QTMAN: variants seen among roughly 807,000 people sequenced by gnomAD.
The protein encoded by QTMAN is queuosine-tRNA mannosyltransferase.
chr2:144,134,127 C>T, the QTMAN span, among the ~76,000 whole-genome samples: 1 of 152,126 alleles, frequency 6.6e-6, no homozygotes, highest in Non-Finnish European at 1.5e-5. Flanking sequence ...CCTATCAATC[C>T]ACAAATTCTC....
At chr2:144,097,984 C>T in the QTMAN span, among the ~76,000 whole-genome samples, 2 of 152,218 alleles carry the variant, frequency 1.3e-5, no homozygotes, top group Admixed American at 1.3e-4. Flanking sequence ...TCTGTATACT[C>T]TGTCTCTCTG....
At chr2:144,328,997 G>A in the QTMAN span, among the ~76,000 whole-genome samples, 3 of 151,994 alleles carry the variant, frequency 2.0e-5, no homozygotes, top group South Asian at 2.1e-4. Flanking sequence ...AGAGGCTCAC[G>A]TTTATAATCC....
At chr2:144,249,790 G>C in the QTMAN span, among the ~76,000 whole-genome samples, 1 of 152,052 alleles carries the variant, frequency 6.6e-6, no homozygotes. Flanking sequence ...AAATGTCAGG[G>C]ATAATACCAA....
the QTMAN span, among the ~76,000 whole-genome samples, chr2:144,039,146 C>T: frequency 1.3e-5 from 2 of 152,124 alleles, no homozygotes; most frequent in Non-Finnish European, 2.9e-5. Flanking sequence ...AAAAATTCTT[C>T]CCTTAAATAA....
chr2:144,204,473 C>T, the QTMAN span, among the ~76,000 whole-genome samples: 12 of 152,228 alleles, frequency 7.9e-5, 1 homozygote, highest in South Asian at 2.3e-3. Context: ...GAATGATGAT[C>T]ATTAAAAAGT....
At chr2:144,102,390 G>A in the QTMAN span, among the ~76,000 whole-genome samples, 1 of 152,280 alleles carries the variant, frequency 6.6e-6, no homozygotes, top group Admixed American at 6.5e-5. Context: ...GGTATACTAG[G>A]CATTTTGTGT....
the QTMAN span, among the ~76,000 whole-genome samples, chr2:144,250,561 T>C: frequency 1.3e-5 from 2 of 152,188 alleles, no homozygotes; most frequent in Non-Finnish European, 1.5e-5. Flanking sequence ...AAAACTTTTA[T>C]GTAAATTTGT....
chr2:143,956,245 A>G, the QTMAN span, among the ~76,000 whole-genome samples: 1 of 152,192 alleles, frequency 6.6e-6, no homozygotes, highest in Non-Finnish European at 1.5e-5. Flanking sequence ...ACAAGATTCT[A>G]ACAATTTTTG....
the QTMAN span, among the ~76,000 whole-genome samples, chr2:144,141,061 T>C: frequency 6.6e-6 from 1 of 152,040 alleles, no homozygotes; most frequent in Non-Finnish European, 1.5e-5. Flanking sequence ...TATTAAATCA[T>C]TTCCTGCCTT....
the QTMAN span, among the ~76,000 whole-genome samples, chr2:144,045,832 C>G: frequency 6.6e-6 from 1 of 152,142 alleles, no homozygotes; most frequent in African/African-American, 2.4e-5. Flanking sequence ...CAGAGAAGAT[C>G]CTTACACTAC....
At chr2:144,267,067 G>GA in the QTMAN span, among the ~76,000 whole-genome samples, 29 of 150,540 alleles carry the variant, frequency 1.9e-4, no homozygotes, top group Admixed American at 4.6e-4. Flanking sequence ...ATATTTAGAG[G>GA]AAAAAAAAAT....
At chr2:144,072,225 C>T in the QTMAN span, among the ~76,000 whole-genome samples, 2 of 152,018 alleles carry the variant, frequency 1.3e-5, no homozygotes, top group African/African-American at 2.4e-5. Flanking sequence ...AATAGGAATC[C>T]GATGCCCAGA....
At chr2:144,308,172 T>G in the QTMAN span, among the ~76,000 whole-genome samples, 1 of 147,230 alleles carries the variant, frequency 6.8e-6, no homozygotes, top group Admixed American at 6.7e-5. Context: ...GTTTTTTTTT[T>G]TTTTTTTTTT....
At chr2:144,024,512 T>C in the QTMAN span, among the ~76,000 whole-genome samples, 1 of 152,140 alleles carries the variant, frequency 6.6e-6, no homozygotes, top group Non-Finnish European at 1.5e-5. Context: ...AGAGGTAAGG[T>C]TGGTTGAAGG....
the QTMAN span, chr2:143,939,723 G>A: frequency 6.6e-6 from 1 of 152,046 alleles, no homozygotes; most frequent in African/African-American, 2.4e-5. Context: ...TCAGACACCC[G>A]AGGAAGAGGA....
At chr2:144,326,738 C>A in the QTMAN span, among the ~76,000 whole-genome samples, 1 of 152,154 alleles carries the variant, frequency 6.6e-6, no homozygotes, top group Non-Finnish European at 1.5e-5. Context: ...TATATCTAAT[C>A]TATATGTATC....
At chr2:143,964,952 G>A in the QTMAN span, among the ~76,000 whole-genome samples, 3 of 152,066 alleles carry the variant, frequency 2.0e-5, no homozygotes, top group African/African-American at 7.2e-5. Context: ...TTAAGTCTTT[G>A]GCAGTTCACA....
the QTMAN span, among the ~76,000 whole-genome samples, chr2:144,095,621 C>T: frequency 6.6e-6 from 1 of 152,006 alleles, no homozygotes; most frequent in South Asian, 2.1e-4. Flanking sequence ...AGAGGGAAAA[C>T]GCTGGTATGC....
At chr2:144,183,269 T>C in the QTMAN span, among the ~76,000 whole-genome samples, 3 of 152,216 alleles carry the variant, frequency 2.0e-5, no homozygotes, top group Middle Eastern at 3.4e-3. Context: ...ACTGGATCTT[T>C]CAACATTTGT....
Sources: gnomAD v4.1 joint callset for allele counts (sites outside exome capture counted in the v4.1 genomes callset) on GRCh38, gnomAD v4.1.1 for gene constraint, MANE v1.5 for transcripts, NCBI Gene and HGNC (gene_info 2026-07-23, HGNC 2026-07-21) for gene names.